Variants in TAF4B observed in about 807,000 individuals in gnomAD.
TAF4B encodes TATA-box binding protein associated factor 4b.
TAF4B carries 38 observed loss-of-function variants against 86.4 expected under a neutral mutation model. The observed-to-expected ratio is 0.44, with a 90% confidence interval of 0.34 to 0.58. TAF4B has a LOEUF of 0.58. Ranked by LOEUF, TAF4B falls within the 20% of genes least tolerant of loss-of-function variation. TAF4B has a pLI of 0.02. For missense variants in TAF4B, 988 were observed against 1,027.6 expected (o/e 0.96, Z 0.53); for synonymous variants, 388 against 391.2 (o/e 0.99, Z 0.10).
chr18:26,315,195 C>CACACACAAA, intron 9 of TAF4B, 34 bp from the exon 10 acceptor site: 7 of 1,093,682 alleles, frequency 6.4e-6, no homozygotes, highest in East Asian at 6.9e-5. Context: ...ACACACACAA[C>CACACACAAA]CTAAAATGTA....
chr18:26,231,291 C>T (rs2055664597), intron 1 of TAF4B, among the ~76,000 whole-genome samples: 1 of 150,018 alleles, frequency 6.7e-6, no homozygotes, highest in Admixed American at 6.6e-5. Flanking sequence ...GATCCGCCCA[C>T]CTTGGCCTCC....
chr18:26,256,445 C>T, intron 1 of TAF4B: 3 of 735,278 alleles, frequency 4.1e-6, no homozygotes, highest in Non-Finnish European at 7.3e-6. Context: ...AGGCCAGTCC[C>T]CCTCAAGCAC....
chr18:26,350,169 A>T (rs570400301), intron 13 of TAF4B, among the ~76,000 whole-genome samples: 3 of 152,328 alleles, frequency 2.0e-5, no homozygotes, highest in African/African-American at 7.2e-5. Flanking sequence ...TATGAATAAG[A>T]CGTCAAAAGC....
chr18:26,239,845 C>A (rs1200934727), intron 1 of TAF4B, among the ~76,000 whole-genome samples: 3 of 152,066 alleles, frequency 2.0e-5, no homozygotes, highest in South Asian at 2.1e-4. Flanking sequence ...TAAATAGGGA[C>A]TCCTTTCCCC....
chr18:26,315,151 T>TCACACA lies in TAF4B; in HGVS notation c.1833-77_1833-76insACACAC, dbSNP rs1568148047. The TCACACA allele has an allele frequency of 4.6e-5, 21 of 453,494 alleles. 1 individual carries two copies. In the African/African-American group the frequency reaches 5.0e-4, roughly 11 times the overall value. 28.1% of individuals were successfully genotyped at this position (453,494 alleles called of 1,614,324 possible). A position where few individuals can be genotyped will look rare whatever the true frequency, so the allele number is the denominator to read the frequency against. On this transcript the variant is annotated intron_variant, in intron 9 of 14. Transcript: ENST00000269142. ...CTCTCTCTCTCTCTCTCTCTGTCTC[T>TCACACA]CTCTCTCTCTCACACACACACACAC...
At chr18:26,338,143 A>G (rs1293575971) in intron 13 of TAF4B, among the ~76,000 whole-genome samples, 1 of 152,150 alleles carries the variant, frequency 6.6e-6, no homozygotes, top group East Asian at 1.9e-4. Context: ...TTTGCTTTCA[A>G]CTGTTAAGGA....
intron 10 of TAF4B, among the ~76,000 whole-genome samples, chr18:26,316,847 A>G (rs187730200): frequency 6.6e-6 from 1 of 152,044 alleles, no homozygotes; most frequent in African/African-American, 2.4e-5. Flanking sequence ...TTTTTTGCAT[A>G]TGTATTTTGT....
At chr18:26,327,548 G>A (rs2057014728) in intron 12 of TAF4B, among the ~76,000 whole-genome samples, 1 of 152,186 alleles carries the variant, frequency 6.6e-6, no homozygotes, top group Non-Finnish European at 1.5e-5. Context: ...TGGAAATAGA[G>A]TAAAAGAATA....
At chr18:26,271,681 T>G (rs530710801) in intron 3 of TAF4B, among the ~76,000 whole-genome samples, 1 of 152,186 alleles carries the variant, frequency 6.6e-6, no homozygotes, top group East Asian at 1.9e-4. Context: ...CCCAGCACTT[T>G]GGGAGGCCTA....
chr18:26,346,885 A>ATATATGTGTGTGTG (rs1567914227), intron 13 of TAF4B, among the ~76,000 whole-genome samples: 1 of 12,592 alleles, frequency 7.9e-5, no homozygotes, highest in African/African-American at 1.8e-4. Context: ...GTGTATATAT[A>ATATATGTGTGTGTG]TATATATATA....
rs1044206546 is a variant in TAF4B, at chr18:26,390,202, T to G, written c.*190T>G. Reference sequence around the variant, plus strand: ...ACTCTTACAGACTCAGATTCATCTTTGTCTTCTGAAAATCAGTTATGAAAT... The same window carrying G: ...ACTCTTACAGACTCAGATTCATCTTGGTCTTCTGAAAATCAGTTATGAAAT... On this transcript the variant is annotated 3_prime_UTR_variant, in exon 15 of 15. Coordinates refer to ENST00000269142, the MANE Select transcript of TAF4B (RefSeq NM_005640.3). 3.8e-6 allele frequency: 2 copies of G among 528,400 alleles called. No individual in the cohort carries two copies. The highest frequency in any genetic ancestry group is 3.9e-5 in the African/African-American group (2 of 51,492). 32.7% of individuals were successfully genotyped at this position (528,400 alleles called of 1,614,324 possible).
At position 26,226,495 on chromosome 18, in the gene TAF4B, C is replaced by T. The variant is rs528469685; in HGVS notation, c.-439C>T. The T allele has an allele frequency of 4.3e-3, 658 of 153,846 alleles. 3 individuals are homozygous for T. Among genetic ancestry groups the T allele is most frequent in the African/African-American group, 0.015 (627 of 41,638 alleles). 9.5% of individuals were successfully genotyped at this position (153,846 alleles called of 1,614,324 possible). On this transcript the variant is annotated 5_prime_UTR_variant, in exon 1 of 15. Coordinates refer to ENST00000269142, the MANE Select transcript of TAF4B (RefSeq NM_005640.3). The stretch of plus-strand genomic sequence containing the variant: ...GGCCGCGCGGCGGGGCCGTGCCAAT[C>T]GCGCGTAGGGGGCTGTGGGCACTCG...
chr18:26,361,066 T>C (rs1282203959), intron 14 of TAF4B, among the ~76,000 whole-genome samples: 6 of 152,116 alleles, frequency 3.9e-5, no homozygotes, highest in African/African-American at 1.4e-4. Flanking sequence ...TATTTACATA[T>C]TAGTATCAAA....
intron 9 of TAF4B, among the ~76,000 whole-genome samples, chr18:26,302,617 C>G (rs562807057): frequency 6.6e-6 from 1 of 152,118 alleles, no homozygotes; most frequent in South Asian, 2.1e-4. Flanking sequence ...CCTGCCGCAT[C>G]CTCCCAAAGT....
intron 14 of TAF4B, among the ~76,000 whole-genome samples, chr18:26,371,492 A>G (rs548399592): frequency 6.6e-6 from 1 of 152,306 alleles, no homozygotes; most frequent in Non-Finnish European, 1.5e-5. Context: ...TTCATTGGGA[A>G]TGATAGGATT....
chr18:26,249,168 A>T (rs1415108983), intron 1 of TAF4B, among the ~76,000 whole-genome samples: 3 of 129,162 alleles, frequency 2.3e-5, no homozygotes, highest in Admixed American at 8.0e-5. Flanking sequence ...GAGACTCCAT[A>T]TCAAAAAAAA....
chr18:26,289,835 A>G (rs982497333), intron 7 of TAF4B, among the ~76,000 whole-genome samples: 1 of 152,038 alleles, frequency 6.6e-6, no homozygotes, highest in Non-Finnish European at 1.5e-5. Flanking sequence ...TCAGGAGTGT[A>G]CCTCCCATAT....
In TAF4B at chr18:26,315,161, TCACACA is replaced by T. The variant is rs374652887; in HGVS notation, c.1833-41_1833-36del. 1.4e-3 allele frequency: 319 copies of T among 222,828 alleles called. 1 individual carries two copies. Among genetic ancestry groups the T allele is most frequent in the Middle Eastern group, 3.4e-3 (2 of 586 alleles). The allele number at this position is 222,828 out of a possible 1,614,324, so 13.8% of individuals were successfully genotyped here. ...CTCTCTCTCTGTCTCTCTCTCTCTCTCACACACACACACACACACACACACACACAC... is the reference window on the plus strand; with the variant it reads ...CTCTCTCTCTGTCTCTCTCTCTCTCTCACACACACACACACACACACACAC... On this transcript the variant is annotated intron_variant, in intron 9 of 14. Transcript: ENST00000269142.
chr18:26,377,651 A>T (rs190784722), intron 14 of TAF4B, among the ~76,000 whole-genome samples: 1 of 152,330 alleles, frequency 6.6e-6, no homozygotes, highest in Non-Finnish European at 1.5e-5. Context: ...ACACCATGGG[A>T]ATACCCAGGC....
Sources: allele counts gnomAD v4.1 joint callset (sites outside exome capture counted in the v4.1 genomes callset), GRCh38; gene constraint gnomAD v4.1.1; transcripts MANE v1.5; gene names NCBI Gene and HGNC (gene_info 2026-07-23, HGNC 2026-07-21).